The following TENM2 variants were observed in gnomAD, a reference collection of about 807,000 sequenced individuals.
TENM2 encodes teneurin-2.
TENM2 carries 52 observed loss-of-function variants against 245.2 expected under a neutral mutation model. The ratio of observed to expected loss-of-function variants is 0.21; its 90% confidence interval spans 0.17 to 0.27. TENM2 has a LOEUF of 0.27. TENM2 is among the 10% of genes least tolerant of loss of function. The pLI is 1.00. For missense variants in TENM2, 3,046 were observed against 3,666.8 expected, an observed-to-expected ratio of 0.83 and a Z score of 4.37; for synonymous variants, 1,363 against 1,438.9, an observed-to-expected ratio of 0.95 and a Z score of 1.19.
At chr5:167,037,087 A>G in the TENM2 span, among the ~76,000 whole-genome samples, 23 of 152,190 alleles carry the variant, frequency 1.5e-4, no homozygotes, top group Non-Finnish European at 1.5e-4. Flanking sequence ...TTTGATCTGA[A>G]TTTGGCTTGG....
the TENM2 span, among the ~76,000 whole-genome samples, chr5:166,998,809 A>G: frequency 6.6e-6 from 1 of 152,172 alleles, no homozygotes; most frequent in Non-Finnish European, 1.5e-5. Flanking sequence ...GTGCAGTGTT[A>G]TATGCCTGTT....
At chr5:167,238,694 C>CAAA in the TENM2 span, among the ~76,000 whole-genome samples, 19 of 58,058 alleles carry the variant, frequency 3.3e-4, no homozygotes, top group African/African-American at 9.0e-4. Flanking sequence ...ACAGGAGATG[C>CAAA]AAAAAAAAAA....
intron 2 of TENM2, among the ~76,000 whole-genome samples, chr5:167,861,269 G>T (rs1771777382): frequency 6.6e-6 from 1 of 152,106 alleles, no homozygotes; most frequent in African/African-American, 2.4e-5. Flanking sequence ...GTAGGGGGTG[G>T]AAGGAGAAAG....
At chr5:168,223,839 G>A (rs1483019284) in intron 23 of TENM2, among the ~76,000 whole-genome samples, 2 of 151,718 alleles carry the variant, frequency 1.3e-5, no homozygotes, top group African/African-American at 2.4e-5. Context: ...ATTCCATACA[G>A]CAAAACCACC....
chr5:168,019,763 A>G (rs1175591517), intron 5 of TENM2, among the ~76,000 whole-genome samples: 1 of 152,242 alleles, frequency 6.6e-6, no homozygotes, highest in Non-Finnish European at 1.5e-5. Context: ...CATGCATGTA[A>G]TGAAAAAATT....
chr5:167,450,781 A>G (rs530474886), intron 2 of TENM2, among the ~76,000 whole-genome samples: 42 of 152,268 alleles, frequency 2.8e-4, no homozygotes, highest in African/African-American at 9.4e-4. Flanking sequence ...GCATTAGCTC[A>G]GTTTAGTTTT....
chr5:167,974,391 A>G (rs549558298), intron 4 of TENM2, among the ~76,000 whole-genome samples: 1 of 128,110 alleles, frequency 7.8e-6, no homozygotes, highest in South Asian at 3.1e-4. Context: ...GGAAAGAAGG[A>G]AGGAGGGAGG....
At chr5:168,028,887 G>A (rs1786859215) in intron 5 of TENM2, among the ~76,000 whole-genome samples, 1 of 152,030 alleles carries the variant, frequency 6.6e-6, no homozygotes, top group South Asian at 2.1e-4. Context: ...AACTGGGAAA[G>A]TGGAGCTCTC....
At chr5:168,059,130 G>T (rs1789813624) in intron 6 of TENM2, among the ~76,000 whole-genome samples, 1 of 152,156 alleles carries the variant, frequency 6.6e-6, no homozygotes, top group African/African-American at 2.4e-5. Flanking sequence ...AGCCTGTGCT[G>T]GCTGGTAGTG....
intron 5 of TENM2, among the ~76,000 whole-genome samples, chr5:168,016,309 A>G (rs1785648957): frequency 6.6e-6 from 1 of 152,198 alleles, no homozygotes; most frequent in South Asian, 2.1e-4. Context: ...ATCACCTCCC[A>G]TGGGGAGTCC....
intron 2 of TENM2, among the ~76,000 whole-genome samples, chr5:167,444,152 G>A (rs1765021215): frequency 6.6e-6 from 1 of 152,032 alleles, no homozygotes; most frequent in African/African-American, 2.4e-5. Context: ...TATTTTAATA[G>A]CATGTCTTTG....
chr5:167,051,637 G>A, the TENM2 span, among the ~76,000 whole-genome samples: 1 of 152,174 alleles, frequency 6.6e-6, no homozygotes, highest in Non-Finnish European at 1.5e-5. Context: ...GCTTGCTCAC[G>A]ACGTATTCTA....
intron 1 of TENM2, among the ~76,000 whole-genome samples, chr5:167,353,510 T>TG (rs1759086655): frequency 1.7e-5 from 2 of 120,178 alleles, no homozygotes; most frequent in African/African-American, 3.1e-5. Flanking sequence ...GTTTTTTTTT[T>TG]TTTTTTTTTT....
intron 5 of TENM2, among the ~76,000 whole-genome samples, chr5:168,012,000 G>A (rs1785254681): frequency 6.6e-6 from 1 of 152,128 alleles, no homozygotes; most frequent in Non-Finnish European, 1.5e-5. Context: ...GTTAGGATTT[G>A]GAATTGAAAA....
chr5:167,253,749 C>T, the TENM2 span, among the ~76,000 whole-genome samples: 7 of 152,014 alleles, frequency 4.6e-5, no homozygotes, highest in African/African-American at 7.2e-5. Context: ...AGTATTAGGG[C>T]GATGTTTAGT....
At chr5:167,647,499 T>C (rs916529855) in intron 2 of TENM2, among the ~76,000 whole-genome samples, 4 of 151,888 alleles carry the variant, frequency 2.6e-5, no homozygotes, top group African/African-American at 9.7e-5. Context: ...GGTGAGTGCC[T>C]GTAGTCCCAC....
At chr5:167,590,848 C>A (rs990201) in intron 2 of TENM2, among the ~76,000 whole-genome samples, 78,051 of 152,054 alleles carry the variant, frequency 0.51, 23,512 homozygotes, top group Middle Eastern at 0.68. Flanking sequence ...TGGAATTGTA[C>A]TTTAAATACC....
intron 2 of TENM2, among the ~76,000 whole-genome samples, chr5:167,695,761 G>A (rs1366717642): frequency 2.6e-5 from 4 of 151,440 alleles, no homozygotes; most frequent in African/African-American, 9.7e-5. Context: ...TTGGCTGGGT[G>A]CGGTGGCTCA....
At chr5:167,163,276 G>T in the TENM2 span, among the ~76,000 whole-genome samples, 1 of 152,098 alleles carries the variant, frequency 6.6e-6, no homozygotes, top group South Asian at 2.1e-4. Context: ...TTTTGTTGTG[G>T]TGACAGGGTC....
Sources: gnomAD v4.1 joint callset for allele counts (sites outside exome capture counted in the v4.1 genomes callset) on GRCh38, gnomAD v4.1.1 for gene constraint, MANE v1.5 for transcripts, NCBI Gene and HGNC (gene_info 2026-07-23, HGNC 2026-07-21) for gene names.